SYT16: variants seen among roughly 807,000 people sequenced by gnomAD.
The protein encoded by SYT16 is synaptotagmin-16.
A neutral mutation model predicts 61.4 loss-of-function variants in SYT16; 42 were observed. The ratio of observed to expected loss-of-function variants is 0.68; its 90% CI spans 0.53 to 0.89. The LOEUF (loss-of-function observed/expected upper bound fraction) is 0.89. SYT16 is among the 40% of genes least tolerant of loss of function. SYT16 has a pLI of 0.00. For missense variants in SYT16, 804 were observed against 807.3 expected (o/e 1.00, Z 0.05); for synonymous variants, 314 against 302.3 (o/e 1.04, Z -0.40).
intron 3 of SYT16, among the ~76,000 whole-genome samples, chr14:62,005,330 G>A (rs1009711878): frequency 1.3e-5 from 2 of 152,090 alleles, no homozygotes; most frequent in Non-Finnish European, 2.9e-5. Context: ...TGACATTTTT[G>A]TGTTGCCAGC....
intron 2 of SYT16, among the ~76,000 whole-genome samples, chr14:61,980,788 G>A (rs1260524256): frequency 6.6e-6 from 1 of 152,092 alleles, no homozygotes; most frequent in Non-Finnish European, 1.5e-5. Context: ...AACATGGTAA[G>A]GGCTTAAAAA....
At chr14:62,093,757 G>A (rs1254745148) in intron 7 of SYT16, among the ~76,000 whole-genome samples, 2 of 152,082 alleles carry the variant, frequency 1.3e-5, no homozygotes, top group Non-Finnish European at 2.9e-5. Context: ...GATGCAAAAA[G>A]TTGCTTTTGG....
intron 3 of SYT16, among the ~76,000 whole-genome samples, chr14:61,997,822 C>T (rs1261039839): frequency 6.6e-6 from 1 of 151,832 alleles, no homozygotes; most frequent in Non-Finnish European, 1.5e-5. Context: ...TTTGGCATAC[C>T]ACTAATTTTG....
intron 2 of SYT16, among the ~76,000 whole-genome samples, chr14:61,977,249 A>G (rs2051850426): frequency 6.6e-6 from 1 of 152,178 alleles, no homozygotes; most frequent in Non-Finnish European, 1.5e-5. Context: ...ACCCAGTTCC[A>G]AAGTTGCTTC....
chr14:62,056,422 G>A (rs925373924), intron 3 of SYT16, among the ~76,000 whole-genome samples: 1 of 152,188 alleles, frequency 6.6e-6, no homozygotes, highest in Admixed American at 6.5e-5. Context: ...AGTCAGGCTA[G>A]CATTGTTGGT....
chr14:62,069,731 C>A lies in SYT16; in HGVS notation c.652C>A (p.Gln218Lys), dbSNP rs1287124971. 6.2e-6 allele frequency: 10 copies of A among 1,613,872 alleles called. No individual in the cohort carries two copies. The highest frequency in any genetic ancestry group is 8.5e-6 in the Non-Finnish European group (10 of 1,179,896). The change falls in exon 4 of 8, where the codon CAG (glutamine) becomes AAG (lysine). Residue 218 changes from glutamine to lysine, a missense_variant. Coordinates refer to ENST00000683842, the MANE Select transcript of SYT16 (RefSeq NM_001367656.1). ...TTCAGTGACATCTGAGAAAGGAAAG[C>A]AGACAGGATTGGAGCAGAAACCAAA... ...FRSVTSEKGK[Q>K]TGLEQKPKFS...
At chr14:61,918,771 T>A (rs1057421751) in intron 1 of SYT16, among the ~76,000 whole-genome samples, 6 of 152,078 alleles carry the variant, frequency 3.9e-5, no homozygotes, top group Admixed American at 1.3e-4. Flanking sequence ...CTTTTTCTTG[T>A]TTGTGTTCTG....
chr14:62,021,862 A>G (rs898351344), intron 3 of SYT16, among the ~76,000 whole-genome samples: 6 of 152,140 alleles, frequency 3.9e-5, no homozygotes, highest in African/African-American at 1.4e-4. Context: ...TTTAGCTGAA[A>G]TTCTTCCTAA....
intron 3 of SYT16, among the ~76,000 whole-genome samples, chr14:62,050,995 A>G (rs1305714340): frequency 6.6e-6 from 1 of 152,148 alleles, no homozygotes. Context: ...CTCTCTTCAA[A>G]ACTGTCAGAC....
chr14:62,017,941 C>T (rs1335706535), intron 3 of SYT16, among the ~76,000 whole-genome samples: 1 of 152,110 alleles, frequency 6.6e-6, no homozygotes, highest in Non-Finnish European at 1.5e-5. Context: ...GTCTTGAATT[C>T]CTAGCCTGAA....
intron 3 of SYT16, among the ~76,000 whole-genome samples, chr14:62,039,115 C>T (rs1368066536): frequency 1.3e-5 from 2 of 152,186 alleles, no homozygotes; most frequent in Non-Finnish European, 2.9e-5. Context: ...TTATGCTTCA[C>T]TCCTCCTCTT....
intron 3 of SYT16, among the ~76,000 whole-genome samples, chr14:62,016,603 C>T (rs367943783): frequency 6.6e-6 from 1 of 150,542 alleles, no homozygotes; most frequent in South Asian, 2.1e-4. Flanking sequence ...GTCCCAACTG[C>T]TCGGGAGGCT....
rs949012123 is a variant in SYT16, at chr14:62,105,419, A to G, written c.*4712A>G. The G allele has an allele frequency of 7.2e-5, 11 of 152,106 alleles. No homozygotes were observed. Among genetic ancestry groups the G allele is most frequent in the African/African-American group, 2.2e-4 (9 of 41,402 alleles). The allele number at this position is 152,106 out of a possible 1,614,324, so 9.4% of individuals were successfully genotyped here. A position where few individuals can be genotyped will look rare whatever the true frequency, so the allele number is the denominator to read the frequency against. The stretch of plus-strand genomic sequence containing the variant: ...AAAAATGGATAACACTTTCTTTAAA[A>G]CCTGCATTATATATCCATTTTATAT... On this transcript the variant is annotated 3_prime_UTR_variant, in exon 8 of 8. Coordinates refer to ENST00000683842, the MANE Select transcript of SYT16 (RefSeq NM_001367656.1).
chr14:61,973,346 G>T (rs1401725944), intron 2 of SYT16, among the ~76,000 whole-genome samples: 3 of 152,088 alleles, frequency 2.0e-5, no homozygotes. Flanking sequence ...TAATAATACA[G>T]ATAATGATCA....
At chr14:62,085,777 C>T (rs1021746458) in intron 7 of SYT16, among the ~76,000 whole-genome samples, 1 of 152,146 alleles carries the variant, frequency 6.6e-6, no homozygotes, top group Non-Finnish European at 1.5e-5. Context: ...ACACTCAGAG[C>T]CACATGAGGG....
chr14:61,995,284 T>C (rs1247072812), intron 2 of SYT16, among the ~76,000 whole-genome samples: 1 of 152,050 alleles, frequency 6.6e-6, no homozygotes, highest in South Asian at 2.1e-4. Context: ...AGCAATGAGA[T>C]TCCAGGGACA....
chr14:61,878,169 CTCT>C (rs536638130), intron 1 of SYT16, among the ~76,000 whole-genome samples: 186 of 152,278 alleles, frequency 1.2e-3, no homozygotes, highest in African/African-American at 4.2e-3. Flanking sequence ...TCCTCTTTGC[CTCT>C]TCTTTTTATC....
intron 3 of SYT16, among the ~76,000 whole-genome samples, chr14:62,012,975 A>T (rs748527109): frequency 3.3e-5 from 5 of 152,198 alleles, no homozygotes; most frequent in Non-Finnish European, 5.9e-5. Context: ...GGTTTTGTAG[A>T]TCACTTCAGG....
intron 5 of SYT16, among the ~76,000 whole-genome samples, chr14:62,079,037 T>G (rs980369900): frequency 7.2e-5 from 11 of 152,228 alleles, no homozygotes; most frequent in African/African-American, 2.7e-4. Context: ...CTATTATTAC[T>G]TATGGTCAGA....
Sources: gnomAD v4.1 joint callset for allele counts (sites outside exome capture counted in the v4.1 genomes callset) on GRCh38, gnomAD v4.1.1 for gene constraint, MANE v1.5 for transcripts, NCBI Gene and HGNC (gene_info 2026-07-23, HGNC 2026-07-21) for gene names.